Variants in DDX19B observed in about 807,000 individuals in gnomAD.
DDX19B encodes ATP-dependent RNA helicase DDX19B.
DDX19B carries 27 observed loss-of-function variants against 58.1 expected under a neutral mutation model. That is an observed-to-expected ratio of 0.46 (90% CI 0.34 to 0.64). The LOEUF is 0.64. DDX19B is among the 30% of genes least tolerant of loss of function. The pLI is 0.01. For synonymous variants in DDX19B, 187 were observed against 214.4 expected, an observed-to-expected ratio of 0.87 and a Z score of 1.12; for missense variants, 399 against 596.5, an observed-to-expected ratio of 0.67 and a Z score of 3.45.
chr16:70,290,269 G>C (rs2152175927), upstream of DDX19B, among the ~76,000 whole-genome samples: 1 of 152,090 alleles, frequency 6.6e-6, no homozygotes, highest in Non-Finnish European at 1.5e-5. Context: ...CGGGCGCGGT[G>C]GCCCACACCT....
intron 6 of DDX19B, among the ~76,000 whole-genome samples, chr16:70,324,970 G>C (rs1482358107): frequency 6.6e-6 from 1 of 152,206 alleles, no homozygotes; most frequent in African/African-American, 2.4e-5. Flanking sequence ...AGAATCATTT[G>C]AACCCGGGAG....
At chr16:70,312,753 C>G in intron 2 of DDX19B, 96 bp downstream of exon 2, 1 of 1,000,574 alleles carries the variant, frequency 1.0e-6, no homozygotes, top group Admixed American at 2.2e-5. Flanking sequence ...TGTATTTGTA[C>G]CAGGCAGGGC....
upstream of DDX19B, among the ~76,000 whole-genome samples, chr16:70,290,459 G>A (rs542195917): frequency 1.6e-4 from 24 of 152,222 alleles, no homozygotes; most frequent in African/African-American, 4.3e-4. Context: ...CTCGGGAGGC[G>A]GAAGTTGCGG....
intron 10 of DDX19B, 105 bp from the exon 11 acceptor site, chr16:70,332,863 C>T: frequency 1.3e-6 from 2 of 1,596,836 alleles, no homozygotes; most frequent in South Asian, 2.2e-5. Context: ...TCTCTTAGTG[C>T]CGTGTTCCCT....
chr16:70,294,686 T>C (rs1192602668), upstream of DDX19B: 12 of 492,244 alleles, frequency 2.4e-5, no homozygotes, highest in Non-Finnish European at 1.0e-5. Flanking sequence ...GGCTTGCGCT[T>C]GTCTTTGGCC....
chr16:70,292,265 C>A (rs1159339056), upstream of DDX19B, among the ~76,000 whole-genome samples: 1 of 151,838 alleles, frequency 6.6e-6, no homozygotes, highest in African/African-American at 2.4e-5. Context: ...CTCAGCCTCC[C>A]GAGTAGCTGA....
upstream of DDX19B, among the ~76,000 whole-genome samples, chr16:70,296,754 C>T (rs766198751): frequency 1.3e-5 from 2 of 152,040 alleles, no homozygotes; most frequent in African/African-American, 2.4e-5. Flanking sequence ...AAAACAAAAA[C>T]GTCTTCTCCA....
rs371590664 is a variant in DDX19B, at chr16:70,329,814, A to C, written c.786-17A>C. On this transcript the variant is annotated splice_polypyrimidine_tract_variant and intron_variant, in intron 8 of 11. Coordinates refer to ENST00000288071, the MANE Select transcript of DDX19B (RefSeq NM_007242.7). ...CCGGGGCCACCTGGGGCCACCTACCAGGGCCTTCCCTTGCAGGATGCTGCC... is the reference window on the plus strand; with the variant it reads ...CCGGGGCCACCTGGGGCCACCTACCCGGGCCTTCCCTTGCAGGATGCTGCC... 3.2e-5 allele frequency: 51 copies of C among 1,613,886 alleles called. No homozygotes were observed. The highest frequency in any genetic ancestry group is 4.1e-5 in the Non-Finnish European group (48 of 1,179,942).
In DDX19B at chr16:70,314,926, A is replaced by G. The variant is rs1220197385; in HGVS notation, c.131A>G (p.Asn44Ser). ...TNGAVVKTNANAEKTDEEEKE... is the reference protein window; with the variant it reads ...TNGAVVKTNASAEKTDEEEKE... ...GGTGCTGTTGTCAAGACCAATGCCA[A>G]TGCAGAGAAGACAGATGAAGAAGAG... The change falls in exon 3 of 12, where the codon AAT becomes AGT. Residue 44 changes from asparagine (N) to serine (S), a missense_variant. By Grantham distance (46) the Asn-to-Ser change is conservative (BLOSUM62 1). This residue lies in a region of DDX19B where 132 missense variants were observed against 159.4 expected (regional missense o/e 0.83). Coordinates refer to ENST00000288071, the MANE Select transcript of DDX19B (RefSeq NM_007242.7). The G allele has an allele frequency of 1.9e-6, 3 of 1,609,464 alleles. No individual in the cohort carries two copies. The Admixed American group carries it at 5.0e-5, about 27-fold the overall frequency.
intron 1 of DDX19B, among the ~76,000 whole-genome samples, chr16:70,309,817 C>CAAGAAAA (rs1961987230): frequency 2.3e-5 from 1 of 42,638 alleles, no homozygotes; most frequent in Non-Finnish European, 3.7e-5. Context: ...GACTCCGTCT[C>CAAGAAAA]AAAAAAAAAA....
intron 1 of DDX19B, among the ~76,000 whole-genome samples, chr16:70,300,210 CT>C (rs112236345): frequency 0.029 from 4,212 of 145,088 alleles, 156 homozygotes; most frequent in African/African-American, 0.09. Context: ...GAGGCAACTC[CT>C]TTTTTTTTTT....
At chr16:70,299,182 G>A, upstream of DDX19B, 2 of 1,385,764 alleles carry the variant, frequency 1.4e-6, no homozygotes, top group Non-Finnish European at 9.3e-7. Context: ...GCCGCTTCCG[G>A]TCTGCAGCCT....
At chr16:70,323,866 T>A (rs1417318168) in intron 5 of DDX19B, among the ~76,000 whole-genome samples, 1 of 152,092 alleles carries the variant, frequency 6.6e-6, no homozygotes, top group Admixed American at 6.6e-5. Context: ...ATCAAGTGGT[T>A]AAGGTAGGAT....
intron 5 of DDX19B, among the ~76,000 whole-genome samples, chr16:70,323,313 C>T (rs545512356): frequency 1.3e-5 from 2 of 152,194 alleles, no homozygotes; most frequent in East Asian, 3.9e-4. Flanking sequence ...CGGTATTTTG[C>T]CCAGGCTGGT....
In DDX19B at chr16:70,331,837, G is replaced by T; in HGVS notation, c.1139G>T (p.Arg380Leu). 6.2e-7 allele frequency: 1 copy of T among 1,614,084 alleles called. No individual in the cohort carries two copies. The highest frequency in any genetic ancestry group is 8.5e-7 in the Non-Finnish European group (1 of 1,179,956). Residue 380 changes from arginine to leucine, a missense_variant, in exon 10 of 12, where the codon CGA becomes CTA. Physicochemically the swap from Arg to Leu is moderately radical, Grantham distance 102 (BLOSUM62 -2). This residue lies in a region of DDX19B where 198 missense variants were observed against 345.9 expected (regional missense o/e 0.57). Coordinates refer to ENST00000288071, the MANE Select transcript of DDX19B (RefSeq NM_007242.7). ...EQRAAVIERF[R>L]EGKEKVLVTT... is the part of the protein sequence containing the mutation. ...AGGGCTGCAGTGATTGAGCGCTTCC[G>T]AGAGGGCAAAGAGAAGGTTTTGGTG...
chr16:70,313,901 G>A (rs1238040900), intron 2 of DDX19B, among the ~76,000 whole-genome samples: 1 of 152,070 alleles, frequency 6.6e-6, no homozygotes, highest in African/African-American at 2.4e-5. Flanking sequence ...CTGAGGTCAG[G>A]AGTTTGAAAC....
intron 3 of DDX19B, 114 bp downstream of exon 3, chr16:70,315,069 G>C (rs1353483880): frequency 2.7e-6 from 3 of 1,131,140 alleles, no homozygotes; most frequent in African/African-American, 1.6e-5. Context: ...AGGCGATACA[G>C]TGCTAGCATA....
Position 70,330,043 on chromosome 16 carries a change from T to C in DDX19B, c.998T>C (p.Ile333Thr). The stretch of plus-strand genomic sequence containing the variant: ...TGTAACCTCTACGGGGCCATCACCA[T>C]TGCTCAAGCCATGATCTTCTGCCAT... ...ALCNLYGAIT[I>T]AQAMIFCHTR... Residue 333 changes from isoleucine (I) to threonine (T), a missense_variant, in exon 9 of 12, where the codon ATT becomes ACT. Physicochemically the swap from Ile to Thr is moderately conservative, Grantham distance 89. Coordinates refer to ENST00000288071, the MANE Select transcript of DDX19B (RefSeq NM_007242.7). The C allele has an allele frequency of 6.2e-7, 1 of 1,613,980 alleles. No homozygotes were observed. Among genetic ancestry groups the C allele is most frequent in the Non-Finnish European group, 8.5e-7 (1 of 1,179,872 alleles).
At chr16:70,313,849 C>G (rs746742299) in intron 2 of DDX19B, among the ~76,000 whole-genome samples, 4 of 152,166 alleles carry the variant, frequency 2.6e-5, no homozygotes, top group Non-Finnish European at 4.4e-5. Flanking sequence ...TGGCTCACAC[C>G]TGTAATCCCA....
Sources: allele counts gnomAD v4.1 joint callset (sites outside exome capture counted in the v4.1 genomes callset), GRCh38; gene constraint gnomAD v4.1.1; regional missense constraint gnomAD v4.1.1; transcripts MANE v1.5; gene names NCBI Gene and HGNC (gene_info 2026-07-23, HGNC 2026-07-21).